Variants in STARD13 observed in about 807,000 individuals in gnomAD.
STARD13 encodes the protein StAR related lipid transfer domain containing 13, also known as stAR-related lipid transfer protein 13.
STARD13 carries 62 observed loss-of-function variants against 106.4 expected under a neutral mutation model. The ratio of observed to expected loss-of-function variants is 0.58; its 90% CI spans 0.48 to 0.72. STARD13 has a LOEUF of 0.72. Ranked by LOEUF, STARD13 falls within the 30% of genes least tolerant of loss-of-function variation. The pLI is 0.00. For missense variants in STARD13, 1,387 were observed against 1,424.0 expected (o/e 0.97, Z 0.42); for synonymous variants, 565 against 553.0 (o/e 1.02, Z -0.31).
At chr13:33,402,532 G>A in the STARD13 span, among the ~76,000 whole-genome samples, 1 of 152,218 alleles carries the variant, frequency 6.6e-6, no homozygotes, top group Non-Finnish European at 1.5e-5. Context: ...CCACCCTCAA[G>A]CCTGGAGACC....
chr13:33,586,003 C>T, the STARD13 span, among the ~76,000 whole-genome samples: 350 of 152,042 alleles, frequency 2.3e-3, 3 homozygotes, highest in African/African-American at 6.7e-3. Context: ...TTCTGGAAAC[C>T]GGTGATGGTA....
chr13:33,157,988 C>T (rs1159956565), intron 3 of STARD13, among the ~76,000 whole-genome samples: 1 of 152,134 alleles, frequency 6.6e-6, no homozygotes, highest in East Asian at 1.9e-4. Context: ...CAATAAAAAA[C>T]ATCAGAATAC....
intron 1 of STARD13, among the ~76,000 whole-genome samples, chr13:33,175,317 A>G (rs777826162): frequency 2.0e-5 from 3 of 152,176 alleles, no homozygotes; most frequent in Non-Finnish European, 2.9e-5. Flanking sequence ...AAATCCCAAG[A>G]GATTCTTCAA....
rs561712317 is a variant in STARD13 at position 33,189,868 on chromosome 13, C to T, written c.170-22246G>A. Among the ~76,000 whole-genome samples, 9 of 152,142 alleles carry T rather than the reference C, an allele frequency of 5.9e-5. No individual in the cohort carries two copies. In the South Asian group the frequency reaches 1.9e-3, roughly 32 times the overall value. On this transcript the variant is annotated intron_variant, in intron 1 of 13. Transcript: ENST00000336934. ...GAAGTCACTGATTGAAATGTACCACCTGAAACAGCATCTTACTTTCAACTG... is the reference window on the plus strand; with the variant it reads ...GAAGTCACTGATTGAAATGTACCACTTGAAACAGCATCTTACTTTCAACTG...
intron 1 of STARD13, among the ~76,000 whole-genome samples, chr13:33,233,744 G>A (rs941081842): frequency 5.0e-5 from 6 of 120,484 alleles, no homozygotes; most frequent in African/African-American, 2.0e-4. Context: ...AACTAAAGGA[G>A]CACTGTAACA....
the STARD13 span, among the ~76,000 whole-genome samples, chr13:33,525,319 G>A: frequency 1.3e-5 from 2 of 152,022 alleles, no homozygotes; most frequent in South Asian, 4.1e-4. Context: ...CACCCTGCCT[G>A]CCTCCAAATG....
chr13:33,645,888 A>G, the STARD13 span, among the ~76,000 whole-genome samples: 2 of 152,192 alleles, frequency 1.3e-5, no homozygotes, highest in African/African-American at 4.8e-5. Flanking sequence ...AATATCACCA[A>G]GGGGATTTCC....
chr13:33,349,354 C>T (rs1431449801), intron 1 of STARD13: 8 of 662,832 alleles, frequency 1.2e-5, no homozygotes, highest in Non-Finnish European at 1.9e-5. Flanking sequence ...CTAAACCCTG[C>T]ACTGCCCAGG....
chr13:33,435,985 T>G, the STARD13 span, among the ~76,000 whole-genome samples: 1 of 152,204 alleles, frequency 6.6e-6, no homozygotes, highest in Admixed American at 6.5e-5. Flanking sequence ...TCCTACATAC[T>G]CTATACTTCT....
At chr13:33,550,324 A>C in the STARD13 span, among the ~76,000 whole-genome samples, 1 of 152,216 alleles carries the variant, frequency 6.6e-6, no homozygotes, top group African/African-American at 2.4e-5. Context: ...ACAAGGATAT[A>C]AGCTTTTGTC....
intron 1 of STARD13, among the ~76,000 whole-genome samples, chr13:33,187,354 C>T (rs548304391): frequency 2.0e-5 from 3 of 152,296 alleles, no homozygotes; most frequent in East Asian, 1.9e-4. Context: ...TTAGTTAATA[C>T]TTGATTTACC....
At chr13:33,318,079 A>G (rs773019606) in intron 1 of STARD13, among the ~76,000 whole-genome samples, 1 of 152,168 alleles carries the variant, frequency 6.6e-6, no homozygotes, top group Non-Finnish European at 1.5e-5. Flanking sequence ...CTAGTGTCCA[A>G]TCTATTGGGA....
chr13:33,553,877 T>C, the STARD13 span, among the ~76,000 whole-genome samples: 1 of 152,066 alleles, frequency 6.6e-6, no homozygotes, highest in African/African-American at 2.4e-5. Context: ...CGTGCCTGGC[T>C]GCAAGCATTA....
At chr13:33,156,693 C>T (rs1882025166) in intron 3 of STARD13, among the ~76,000 whole-genome samples, 2 of 152,104 alleles carry the variant, frequency 1.3e-5, no homozygotes, top group South Asian at 2.1e-4. Flanking sequence ...GTCAAGAATG[C>T]TGAAGAGCTT....
the STARD13 span, among the ~76,000 whole-genome samples, chr13:33,675,474 A>G: frequency 6.6e-6 from 1 of 152,156 alleles, no homozygotes; most frequent in Admixed American, 6.5e-5. Flanking sequence ...CACCTACTCA[A>G]TATGTAGGTA....
the STARD13 span, among the ~76,000 whole-genome samples, chr13:33,538,770 A>ATT: frequency 6.7e-6 from 1 of 150,120 alleles, no homozygotes; most frequent in East Asian, 2.1e-4. Flanking sequence ...CAAACTATTT[A>ATT]ATTTTTTTTT....
chr13:33,281,903 G>A (rs567368791), intron 1 of STARD13, among the ~76,000 whole-genome samples: 10 of 152,182 alleles, frequency 6.6e-5, no homozygotes, highest in African/African-American at 1.7e-4. Context: ...GATGGATGGC[G>A]GTGATGGTTG....
At chr13:33,258,410 T>G (rs1382887505) in intron 1 of STARD13, among the ~76,000 whole-genome samples, 1 of 152,092 alleles carries the variant, frequency 6.6e-6, no homozygotes, top group African/African-American at 2.4e-5. Flanking sequence ...TTAGAAATAG[T>G]TTAATGGCTA....
At chr13:33,213,289 A>C (rs765924484) in intron 1 of STARD13, among the ~76,000 whole-genome samples, 1 of 152,222 alleles carries the variant, frequency 6.6e-6, no homozygotes, top group Non-Finnish European at 1.5e-5. Flanking sequence ...ACTCTGGCTT[A>C]TATTACCCAA....
Sources: allele counts gnomAD v4.1 joint callset (sites outside exome capture counted in the v4.1 genomes callset), GRCh38; gene constraint gnomAD v4.1.1; transcripts MANE v1.5; gene names NCBI Gene and HGNC (gene_info 2026-07-23, HGNC 2026-07-21).